The following EXT2 variants were observed in gnomAD, a reference collection of about 807,000 sequenced individuals.
The protein encoded by EXT2 is exostosin-2.
A neutral mutation model predicts 81.6 loss-of-function variants in EXT2; 53 were observed. The ratio of observed to expected loss-of-function variants is 0.65; its 90% CI spans 0.52 to 0.82. The LOEUF (loss-of-function observed/expected upper bound fraction) is 0.82. EXT2 is among the 40% of genes least tolerant of loss of function. The pLI, the probability that EXT2 is intolerant of heterozygous loss-of-function variation, is 0.00. For missense variants in EXT2, 774 were observed against 910.2 expected, an observed-to-expected ratio of 0.85 and a Z score of 1.93; for synonymous variants, 320 against 340.0, an observed-to-expected ratio of 0.94 and a Z score of 0.65.
intron 7 of EXT2, among the ~76,000 whole-genome samples, chr11:44,159,270 G>C (rs1233888101): frequency 1.3e-5 from 2 of 151,266 alleles, no homozygotes; most frequent in Non-Finnish European, 2.9e-5. Context: ...TTCTCTTCTG[G>C]TATTTTCATT....
At chr11:44,101,831 G>A (rs1246373863) in intron 1 of EXT2, among the ~76,000 whole-genome samples, 1 of 152,088 alleles carries the variant, frequency 6.6e-6, no homozygotes, top group African/African-American at 2.4e-5. Context: ...GCCCAGAATG[G>A]GCAGCAAGGC....
intron 10 of EXT2, among the ~76,000 whole-genome samples, chr11:44,212,747 A>G (rs184463432): frequency 6.6e-6 from 1 of 152,356 alleles, no homozygotes; most frequent in African/African-American, 2.4e-5. Flanking sequence ...ACAGCAATAG[A>G]AAGAAAGAAA....
intron 11 of EXT2, 29 bp from the exon 12 acceptor site, chr11:44,234,086 A>C (rs201679753): frequency 5.6e-6 from 9 of 1,613,736 alleles, no homozygotes; most frequent in Non-Finnish European, 6.8e-6. Flanking sequence ...CTATTTTTGA[A>C]TATTTCTTCT....
intron 7 of EXT2, among the ~76,000 whole-genome samples, chr11:44,168,865 A>G (rs529463369): frequency 1.3e-5 from 2 of 152,346 alleles, no homozygotes; most frequent in East Asian, 1.9e-4. Context: ...ATGATATGTG[A>G]TGGAAGTTCA....
intron 8 of EXT2, among the ~76,000 whole-genome samples, chr11:44,173,859 G>T (rs540734099): frequency 6.6e-6 from 1 of 151,958 alleles, no homozygotes; most frequent in Non-Finnish European, 1.5e-5. Context: ...GAGCCACCGC[G>T]CCCGGCCTTT....
intron 8 of EXT2, among the ~76,000 whole-genome samples, chr11:44,185,409 C>T (rs1313206811): frequency 6.6e-6 from 1 of 152,070 alleles, no homozygotes; most frequent in African/African-American, 2.4e-5. Context: ...TGTTTTATAG[C>T]AAGAGGATTT....
chr11:44,164,601 G>A (rs1181633835), intron 7 of EXT2, among the ~76,000 whole-genome samples: 1 of 152,138 alleles, frequency 6.6e-6, no homozygotes, highest in African/African-American at 2.4e-5. Context: ...TGCCCATGAT[G>A]GTTTTAAGCT....
chr11:44,167,115 C>T (rs11037893), intron 7 of EXT2, among the ~76,000 whole-genome samples: 8,611 of 152,184 alleles, frequency 0.057, 377 homozygotes, highest in Non-Finnish European at 0.079. Context: ...AGTATGGGGT[C>T]CCAGCAGAAA....
At chr11:44,156,480 T>C (rs1954857122) in intron 7 of EXT2, among the ~76,000 whole-genome samples, 3 of 152,206 alleles carry the variant, frequency 2.0e-5, no homozygotes, top group South Asian at 2.1e-4. Flanking sequence ...TTTCTTTTGC[T>C]TGATAAATTC....
Position 44,175,410 on chromosome 11 carries a change from C to A in EXT2, c.1305+3668C>A, listed in dbSNP as rs919414523. The stretch of plus-strand genomic sequence containing the variant: ...CTTTTTCTTTTTTTTTTTTCCTGTT[C>A]TCTTTCAAAGAGTTCTAGATTTCTG... On this transcript the variant is annotated intron_variant, in intron 8 of 13. Coordinates refer to ENST00000533608, the MANE Select transcript of EXT2 (RefSeq NM_207122.2). Among the ~76,000 whole-genome samples, 4 of 124,402 alleles carry A rather than the reference C, an allele frequency of 3.2e-5. No individual in the cohort carries two copies. In the Admixed American group the frequency reaches 3.4e-4, roughly 11 times the overall value. 81.6% of individuals were successfully genotyped at this position (124,402 alleles called of 152,430 possible). A position where few individuals can be genotyped will look rare whatever the true frequency, so the allele number is the denominator to read the frequency against.
chr11:44,164,754 C>G (rs1954969847), intron 7 of EXT2, among the ~76,000 whole-genome samples: 1 of 152,110 alleles, frequency 6.6e-6, no homozygotes, highest in African/African-American at 2.4e-5. Flanking sequence ...AGTTTAAATG[C>G]TTTGTTCAAG....
chr11:44,181,049 C>T (rs145299073), intron 8 of EXT2, among the ~76,000 whole-genome samples: 16,081 of 151,578 alleles, frequency 0.11, 852 homozygotes, highest in Middle Eastern at 0.16. Flanking sequence ...TGCAGGGAGC[C>T]GAGTTCGCAC....
intron 8 of EXT2, among the ~76,000 whole-genome samples, chr11:44,194,914 G>A (rs1955437576): frequency 6.6e-6 from 1 of 152,120 alleles, no homozygotes; most frequent in African/African-American, 2.4e-5. Flanking sequence ...ACCATGAACG[G>A]TCCCTGGGGA....
At chr11:44,178,800 T>TA (rs5791612) in intron 8 of EXT2, among the ~76,000 whole-genome samples, 22 of 150,742 alleles carry the variant, frequency 1.5e-4, no homozygotes, top group African/African-American at 4.6e-4. Context: ...TAGATATGAT[T>TA]AAAAAAAAAA....
chr11:44,147,991 A>G (rs2135074394), intron 7 of EXT2, among the ~76,000 whole-genome samples: 1 of 152,178 alleles, frequency 6.6e-6, no homozygotes, highest in South Asian at 2.1e-4. Flanking sequence ...TAATAGTGGC[A>G]TGAGAGGTAG....
intron 8 of EXT2, among the ~76,000 whole-genome samples, chr11:44,180,875 G>T (rs190854074): frequency 2.6e-5 from 4 of 152,286 alleles, no homozygotes; most frequent in African/African-American, 7.2e-5. Context: ...GCCGAGGCGG[G>T]CGGATCACCT....
intron 6 of EXT2, among the ~76,000 whole-genome samples, chr11:44,129,566 A>G (rs1261327996): frequency 1.3e-5 from 2 of 152,240 alleles, no homozygotes; most frequent in Non-Finnish European, 2.9e-5. Flanking sequence ...TTGTCTAATT[A>G]ATTCACTGTT....
chr11:44,117,364 T>A (rs1234246981), intron 4 of EXT2, among the ~76,000 whole-genome samples: 2 of 152,234 alleles, frequency 1.3e-5, no homozygotes, highest in Non-Finnish European at 2.9e-5. Flanking sequence ...AGTTTTGGTG[T>A]CATTTTTAAG....
intron 3 of EXT2, among the ~76,000 whole-genome samples, chr11:44,110,012 G>A (rs1436692359): frequency 6.6e-6 from 1 of 152,146 alleles, no homozygotes; most frequent in East Asian, 1.9e-4. Context: ...GTAGAAAGTT[G>A]GGGCGCAATA....
Sources: allele counts gnomAD v4.1 joint callset (sites outside exome capture counted in the v4.1 genomes callset), GRCh38; gene constraint gnomAD v4.1.1; transcripts MANE v1.5; gene names NCBI Gene and HGNC (gene_info 2026-07-23, HGNC 2026-07-21).